SMAD1: variants seen among roughly 807,000 people sequenced by gnomAD.
SMAD1 encodes the protein SMAD family member 1.
In SMAD1, 6 loss-of-function variants were observed where a neutral mutation model predicts 41.6. The ratio of observed to expected loss-of-function variants is 0.14; its 90% CI spans 0.08 to 0.28. The LOEUF is 0.28. Among genes scored for constraint, SMAD1 ranks in the 10% least tolerant of loss-of-function variants. The pLI is 1.00. For synonymous variants in SMAD1, 206 were observed against 203.2 expected (o/e 1.01, Z -0.12); for missense variants, 379 against 582.6 (o/e 0.65, Z 3.60).
intron 4 of SMAD1, 91 bp downstream of exon 4, chr4:145,542,789 A>G: frequency 1.2e-6 from 1 of 823,988 alleles, no homozygotes. Flanking sequence ...GTCTTTAAAA[A>G]GAGAGCTACT....
chr4:145,511,819 T>A (rs1730095423), intron 1 of SMAD1, among the ~76,000 whole-genome samples: 1 of 152,224 alleles, frequency 6.6e-6, no homozygotes, highest in Non-Finnish European at 1.5e-5. Flanking sequence ...AAGTCAGTAT[T>A]CATTTAAACT....
chr4:145,488,829 A>G (rs1252475884), intron 1 of SMAD1, among the ~76,000 whole-genome samples: 1 of 152,240 alleles, frequency 6.6e-6, no homozygotes, highest in Non-Finnish European at 1.5e-5. Flanking sequence ...TAGAGTATAC[A>G]CAAACATGAA....
intron 1 of SMAD1, among the ~76,000 whole-genome samples, chr4:145,504,492 G>A (rs1357256807): frequency 6.6e-6 from 1 of 152,028 alleles, no homozygotes; most frequent in Non-Finnish European, 1.5e-5. Flanking sequence ...CTTTTTGTTA[G>A]GAACCATTTA....
chr4:145,500,343 C>T (rs1403099583), intron 1 of SMAD1, among the ~76,000 whole-genome samples: 1 of 152,164 alleles, frequency 6.6e-6, no homozygotes, highest in Admixed American at 6.5e-5. Flanking sequence ...CCCGCACATA[C>T]CTTCCCCTGT....
chr4:145,483,147 A>T (rs942462415), intron 1 of SMAD1: 1 of 152,242 alleles, frequency 6.6e-6, no homozygotes, highest in Non-Finnish European at 1.5e-5. Context: ...GGCCGGTCTC[A>T]GAACCATCTC....
At chr4:145,525,853 G>A (rs1332943773) in intron 2 of SMAD1, 3 of 152,156 alleles carry the variant, frequency 2.0e-5, no homozygotes, top group African/African-American at 4.8e-5. Flanking sequence ...CTAGGGTGTT[G>A]GAAACACATT....
chr4:145,502,247 T>C (rs899804035), intron 1 of SMAD1, among the ~76,000 whole-genome samples: 5 of 152,172 alleles, frequency 3.3e-5, no homozygotes, highest in African/African-American at 1.2e-4. Flanking sequence ...TTTATCAGGA[T>C]GAGCTTATGG....
chr4:145,500,984 G>A (rs112199749), intron 1 of SMAD1, among the ~76,000 whole-genome samples: 2,084 of 152,290 alleles, frequency 0.014, 64 homozygotes, highest in African/African-American at 0.048. Context: ...TCAAAGTACA[G>A]CTACTAAGTG....
At chr4:145,536,606 G>A (rs1026318822) in intron 2 of SMAD1, among the ~76,000 whole-genome samples, 4 of 152,132 alleles carry the variant, frequency 2.6e-5, no homozygotes, top group African/African-American at 9.7e-5. Flanking sequence ...GGAAAAGCAC[G>A]TCTTCATATT....
intron 3 of SMAD1, among the ~76,000 whole-genome samples, chr4:145,540,770 C>T (rs2126515103): frequency 6.6e-6 from 1 of 150,410 alleles, no homozygotes; most frequent in Non-Finnish European, 1.5e-5. Context: ...AATTTCTTGC[C>T]AGTAGACTTT....
chr4:145,507,652 G>GTT (rs540521423), intron 1 of SMAD1, among the ~76,000 whole-genome samples: 1 of 142,096 alleles, frequency 7.0e-6, no homozygotes, highest in Non-Finnish European at 1.5e-5. Context: ...AGGCTGCTGG[G>GTT]TTTTTTTTTT....
chr4:145,548,709 A>G (rs944443604), intron 5 of SMAD1, among the ~76,000 whole-genome samples: 2 of 152,230 alleles, frequency 1.3e-5, no homozygotes, highest in Admixed American at 6.5e-5. Context: ...TCATCAATGG[A>G]TGCTAAATAT....
chr4:145,527,262 C>T (rs1440465529), intron 2 of SMAD1, among the ~76,000 whole-genome samples: 2 of 149,104 alleles, frequency 1.3e-5, no homozygotes, highest in African/African-American at 2.5e-5. Flanking sequence ...CTTGCTCTGT[C>T]GCCCAGGCTG....
intron 2 of SMAD1, among the ~76,000 whole-genome samples, chr4:145,523,539 G>A (rs1180601107): frequency 6.6e-6 from 1 of 152,164 alleles, no homozygotes; most frequent in Non-Finnish European, 1.5e-5. Context: ...TTCCATAGGA[G>A]TTACTATAAT....
rs1262803265 is a variant in SMAD1 at position 145,518,953 on chromosome 4, A to G, written c.400+3940A>G. Among the ~76,000 whole-genome samples the G allele has an allele frequency of 2.4e-5, 3 of 125,484 alleles. 1 individual carries two copies. The highest frequency in any genetic ancestry group is 3.9e-5 in the Non-Finnish European group (2 of 51,022). The allele number at this position is 125,484 out of a possible 152,430, so 82.3% of individuals were successfully genotyped here. A position where few individuals can be genotyped will look rare whatever the true frequency, so the allele number is the denominator to read the frequency against. ...GTGTTATGTTTTGGTACATGTATAC[A>G]TTGTGGAATGATCAAATGAGGCTAA... On this transcript the variant is annotated intron_variant, in intron 2 of 6. Transcript: ENST00000302085.
chr4:145,527,246 C>T (rs1426116654), intron 2 of SMAD1, among the ~76,000 whole-genome samples: 8 of 147,930 alleles, frequency 5.4e-5, no homozygotes, highest in Admixed American at 1.4e-4. Flanking sequence ...TTTTTTGAGA[C>T]GGAGTCTTGC....
In SMAD1 at chr4:145,490,785, A is replaced by G. The variant is rs551439772; in HGVS notation, c.-177+8747A>G. Among the ~76,000 whole-genome samples the G allele has an allele frequency of 1.1e-4, 17 of 152,372 alleles. No individual in the cohort carries two copies. In the South Asian group the frequency reaches 3.5e-3, roughly 32 times the overall value. ...CTAGATAAAGGTTTCTAAGAAAAGT[A>G]TAGAAATTGAACTAACAGAAGAATC... On this transcript the variant is annotated intron_variant, in intron 1 of 6. Coordinates refer to ENST00000302085, the MANE Select transcript of SMAD1 (RefSeq NM_005900.3).
intron 2 of SMAD1, among the ~76,000 whole-genome samples, chr4:145,530,946 G>C (rs559401488): frequency 4.6e-5 from 7 of 152,364 alleles, no homozygotes; most frequent in African/African-American, 1.7e-4. Flanking sequence ...GATAACTGCT[G>C]TGAGGATTTA....
Position 145,482,767 on chromosome 4 carries a change from G to T in SMAD1, c.-177+729G>T, listed in dbSNP as rs1352987946. The T allele has an allele frequency of 1.3e-5, 2 of 152,244 alleles. No homozygotes were observed. Among genetic ancestry groups the T allele is most frequent in the Non-Finnish European group, 2.9e-5 (2 of 68,108 alleles). The allele number at this position is 152,244 out of a possible 1,614,324, so 9.4% of individuals were successfully genotyped here. A position where few individuals can be genotyped will look rare whatever the true frequency, so the allele number is the denominator to read the frequency against. ...CCGCCTACACCCGCTGCGTCTCCTG[G>T]TGTCTCGTTCCTTTCCCTTTACCGG... On this transcript the variant is annotated intron_variant, in intron 1 of 6. Coordinates refer to ENST00000302085, the MANE Select transcript of SMAD1 (RefSeq NM_005900.3). This position sits in a 1 kb window ranked among gnomAD's most constrained non-coding sequence, Gnocchi z 4.2.
Sources: allele counts gnomAD v4.1 joint callset (sites outside exome capture counted in the v4.1 genomes callset), GRCh38; gene constraint gnomAD v4.1.1; non-coding constraint Gnocchi (gnomAD v3.1); transcripts MANE v1.5; gene names NCBI Gene and HGNC (gene_info 2026-07-23, HGNC 2026-07-21).